Variants in ADAMTS18 observed in about 807,000 individuals in gnomAD.
The protein encoded by ADAMTS18 is ADAM metallopeptidase with thrombospondin type 1 motif 18.
A neutral mutation model predicts 165.9 loss-of-function variants in ADAMTS18; 157 were observed. The ratio of observed to expected loss-of-function variants is 0.95; its 90% CI spans 0.83 to 1.08. The LOEUF is 1.08. Ranked by LOEUF, ADAMTS18 falls within the 50% of genes least tolerant of loss-of-function variation. The pLI is 0.00. For missense variants in ADAMTS18, 2,040 were observed against 1,534.0 expected, an observed-to-expected ratio of 1.33 and a Z score of -5.51; for synonymous variants, 782 against 578.2, an observed-to-expected ratio of 1.35 and a Z score of -5.06.
chr16:77,326,584 T>C (rs895915471), intron 12 of ADAMTS18, among the ~76,000 whole-genome samples: 1 of 152,150 alleles, frequency 6.6e-6, no homozygotes, highest in African/African-American at 2.4e-5. Context: ...GGTTTCGCCA[T>C]GTTGCCCAGG....
intron 3 of ADAMTS18, among the ~76,000 whole-genome samples, chr16:77,386,913 T>C (rs538300105): frequency 2.0e-5 from 3 of 152,212 alleles, no homozygotes; most frequent in Non-Finnish European, 4.4e-5. Context: ...TTCTTGGTGC[T>C]GTCCTACAGC....
chr16:77,396,801 C>CTTT (rs59065639), intron 3 of ADAMTS18, among the ~76,000 whole-genome samples: 132 of 142,744 alleles, frequency 9.2e-4, no homozygotes, highest in Non-Finnish European at 1.4e-3. Context: ...TCTTCATTGC[C>CTTT]TTTTTTTTTT....
intron 22 of ADAMTS18, among the ~76,000 whole-genome samples, chr16:77,285,476 T>C (rs1328044829): frequency 2.0e-5 from 3 of 152,204 alleles, no homozygotes; most frequent in African/African-American, 7.2e-5. Context: ...CCGGCCATTT[T>C]ACTGTATTTT....
chr16:77,320,022 T>G lies in ADAMTS18; in HGVS notation c.2359A>C (p.Ser787Arg), dbSNP rs993762554. The G allele has an allele frequency of 6.2e-7, 1 of 1,614,024 alleles. No individual in the cohort carries two copies. Among genetic ancestry groups the G allele is most frequent in the African/African-American group, 1.3e-5 (1 of 74,918 alleles). Reference sequence around the variant, plus strand: ...CTGAGGCTTCGAACTGCGAGGTAACTGGAGGAAACCTGCAGCTCCTGGATT... The same window carrying G: ...CTGAGGCTTCGAACTGCGAGGTAACGGGAGGAAACCTGCAGCTCCTGGATT... Reference protein sequence around the residue: ...IEIQELQVSSSYLAVRSLSQK... With the variant: ...IEIQELQVSSRYLAVRSLSQK... Residue 787 changes from serine (S) to arginine (R), a missense_variant, in exon 16 of 23, where the codon AGT becomes CGT. Physicochemically the swap from Ser to Arg is moderately radical, Grantham distance 110. Coordinates refer to ENST00000282849, the MANE Select transcript of ADAMTS18 (RefSeq NM_199355.4).
chr16:77,348,849 T>C (rs1034825922), intron 10 of ADAMTS18, among the ~76,000 whole-genome samples: 3 of 151,950 alleles, frequency 2.0e-5, no homozygotes, highest in Admixed American at 1.3e-4. Flanking sequence ...AATAAGGAGG[T>C]AACACTTGAA....
intron 10 of ADAMTS18, among the ~76,000 whole-genome samples, chr16:77,343,814 G>C (rs1020212890): frequency 2.0e-5 from 3 of 152,174 alleles, no homozygotes; most frequent in Admixed American, 6.5e-5. Flanking sequence ...GTGAAACATT[G>C]TGAAAGGTCA....
chr16:77,334,529 A>AG (rs1235448934), intron 12 of ADAMTS18, among the ~76,000 whole-genome samples: 52 of 112,822 alleles, frequency 4.6e-4, no homozygotes, highest in African/African-American at 1.9e-3. Flanking sequence ...ATTATATAGT[A>AG]TATATACTGG....
chr16:77,375,964 C>T (rs1458616807), intron 3 of ADAMTS18, among the ~76,000 whole-genome samples: 1 of 138,022 alleles, frequency 7.2e-6, no homozygotes, highest in African/African-American at 2.8e-5. Flanking sequence ...ACTGCAATGG[C>T]ACGATCTCGG....
intron 3 of ADAMTS18, among the ~76,000 whole-genome samples, chr16:77,391,088 G>A (rs2057180131): frequency 6.6e-6 from 1 of 152,084 alleles, no homozygotes; most frequent in Admixed American, 6.5e-5. Flanking sequence ...AAGACATCAA[G>A]CCACTTCTGA....
chr16:77,385,147 G>C lies in ADAMTS18; in HGVS notation c.496-17424C>G, dbSNP rs549562764. On this transcript the variant is annotated intron_variant, in intron 3 of 22. Coordinates refer to ENST00000282849, the MANE Select transcript of ADAMTS18 (RefSeq NM_199355.4). ...TGGTCTCGAACTCCTGAACTTAAGC[G>C]ATCCACTCACCTCAGCCTCCCAAAG... Among the ~76,000 whole-genome samples the C allele has an allele frequency of 3.3e-5, 5 of 152,112 alleles. No individual in the cohort carries two copies. The South Asian group carries it at 1.0e-3, about 32-fold the overall frequency.
At position 77,314,449 on chromosome 16, in the gene ADAMTS18, A is replaced by C. The variant is rs1441929109; in HGVS notation, c.2532+5400T>G. Among the ~76,000 whole-genome samples the C allele has an allele frequency of 2.0e-5, 3 of 151,374 alleles. No homozygotes were observed. In the South Asian group the frequency reaches 6.3e-4, roughly 32 times the overall value. On this transcript the variant is annotated intron_variant, in intron 16 of 22. Transcript: ENST00000282849. The stretch of plus-strand genomic sequence containing the variant: ...ATGGTGAAACCCCATCTCTACTAAA[A>C]AACATATACAAAATTAGCTGGGCAT...
At chr16:77,425,425 G>A (rs76621254) in intron 3 of ADAMTS18, among the ~76,000 whole-genome samples, 1 of 152,166 alleles carries the variant, frequency 6.6e-6, no homozygotes, top group East Asian at 1.9e-4. Flanking sequence ...CCGGGCAGAA[G>A]ATCCAAGAGA....
rs1211787751 is a variant in ADAMTS18, at chr16:77,345,137, TGTGTCCTCCAGTTGTATTC to T, written c.1615-3357_1615-3339del. 3.9e-5 allele frequency among the ~76,000 whole-genome samples: 6 copies of T among 152,322 alleles called. No individual in the cohort carries two copies. In the East Asian group the frequency reaches 1.2e-3, roughly 29 times the overall value. ...TCCATTATTCTGTCCTGTCACTTGC[TGTGTCCTCCAGTTGTATTC>T]TATAGGCTGGATACCCCTTCAAGTA... On this transcript the variant is annotated intron_variant, in intron 10 of 22. Transcript: ENST00000282849.
At chr16:77,317,263 C>G (rs532053818) in intron 16 of ADAMTS18, among the ~76,000 whole-genome samples, 1 of 152,174 alleles carries the variant, frequency 6.6e-6, no homozygotes, top group Non-Finnish European at 1.5e-5. Context: ...TTATCCACTA[C>G]TCTATACCCA....
chr16:77,358,628 G>T (rs923526814), intron 8 of ADAMTS18, among the ~76,000 whole-genome samples: 5 of 152,188 alleles, frequency 3.3e-5, no homozygotes, highest in Non-Finnish European at 5.9e-5. Context: ...AATGATGTTT[G>T]CTTTTAAGTC....
At chr16:77,356,178 A>G in intron 8 of ADAMTS18, 101 bp from the exon 9 acceptor site, 1 of 1,458,168 alleles carries the variant, frequency 6.9e-7, no homozygotes. Context: ...AACAAAACCA[A>G]GTGAGAGACA....
intron 16 of ADAMTS18, among the ~76,000 whole-genome samples, chr16:77,312,235 T>A (rs775395834): frequency 2.7e-5 from 4 of 149,822 alleles, no homozygotes; most frequent in African/African-American, 4.9e-5. Context: ...AAACTTTTCT[T>A]TTTTTTTTTG....
chr16:77,326,184 T>C (rs983373680), intron 12 of ADAMTS18, 146 bp from the exon 13 acceptor site: 27 of 801,386 alleles, frequency 3.4e-5, no homozygotes, highest in Admixed American at 8.5e-5. Context: ...TGGAAGTACA[T>C]AGCATACAAC....
intron 10 of ADAMTS18, among the ~76,000 whole-genome samples, chr16:77,344,932 T>C (rs2056453867): frequency 6.6e-6 from 1 of 152,092 alleles, no homozygotes; most frequent in Non-Finnish European, 1.5e-5. Context: ...TTTTTGCTTG[T>C]ACCTCCCCCC....
Sources: gnomAD v4.1 joint callset for allele counts (sites outside exome capture counted in the v4.1 genomes callset) on GRCh38, gnomAD v4.1.1 for gene constraint, MANE v1.5 for transcripts, NCBI Gene and HGNC (gene_info 2026-07-23, HGNC 2026-07-21) for gene names.